Variants in IL26 observed in about 807,000 individuals in gnomAD.
IL26 encodes interleukin 26.
A neutral mutation model predicts 21.7 loss-of-function variants in IL26; 23 were observed. The observed-to-expected ratio is 1.06, with a 90% CI of 0.76 to 1.50. The LOEUF (loss-of-function observed/expected upper bound fraction) is 1.50. Ranked by LOEUF, IL26 falls within the 40% of genes most tolerant of loss-of-function variation. The probability of loss-of-function intolerance (pLI) is 0.00; values close to 1 mark genes in which losing one functional copy is unlikely to be tolerated. For missense variants in IL26, 204 were observed against 196.0 expected (o/e 1.04, Z -0.24); for synonymous variants, 63 against 67.8 (o/e 0.93, Z 0.34).
At chr12:68,211,214 C>T (rs1868719191) in intron 3 of IL26, among the ~76,000 whole-genome samples, 1 of 152,158 alleles carries the variant, frequency 6.6e-6, no homozygotes, top group Non-Finnish European at 1.5e-5. Flanking sequence ...GCTTCCTTCA[C>T]TTAACGTAAA....
chr12:68,218,146 A>G (rs1344714663), intron 3 of IL26, among the ~76,000 whole-genome samples: 1 of 152,094 alleles, frequency 6.6e-6, no homozygotes, highest in East Asian at 1.9e-4. Flanking sequence ...AAAAATGTCT[A>G]GGATCCAACA....
At chr12:68,203,699 C>T (rs1312335986) in intron 3 of IL26, among the ~76,000 whole-genome samples, 1 of 152,158 alleles carries the variant, frequency 6.6e-6, no homozygotes, top group Non-Finnish European at 1.5e-5. Context: ...CAACAGGTCT[C>T]TTCAGGGGTG....
chr12:68,211,852 C>T (rs10878790), intron 3 of IL26, among the ~76,000 whole-genome samples: 26,615 of 151,904 alleles, frequency 0.18, 3,147 homozygotes, highest in East Asian at 0.56. Context: ...CGATTGTTTC[C>T]TTTGCTGGGC....
chr12:68,204,877 T>C (rs11571056), intron 3 of IL26, among the ~76,000 whole-genome samples: 69 of 152,362 alleles, frequency 4.5e-4, no homozygotes, highest in African/African-American at 1.5e-3. Flanking sequence ...TTTACTGCCG[T>C]AATTCAGATT....
Position 68,202,012 on chromosome 12 carries a change from T to G in IL26, c.429+6A>C. 1 of 1,562,396 alleles carries G rather than the reference T, an allele frequency of 6.4e-7. No individual in the cohort carries two copies. The highest frequency in any genetic ancestry group is 1.2e-5 in the South Asian group (1 of 84,264). On this transcript the variant is annotated splice_donor_region_variant and intron_variant, in intron 4 of 4. Transcript: ENST00000229134. ...GTTTTTTAATATAAGGATTTAGAAT[T>G]CTTACCCTATAAAATATTCTTTTCA...
intron 3 of IL26, among the ~76,000 whole-genome samples, chr12:68,218,208 G>A (rs1868944058): frequency 6.8e-6 from 1 of 147,124 alleles, no homozygotes; most frequent in Non-Finnish European, 1.5e-5. Context: ...GCCGTGCAAA[G>A]ATGCTGTAAA....
intron 3 of IL26, among the ~76,000 whole-genome samples, chr12:68,212,026 C>T (rs866755871): frequency 1.7e-4 from 26 of 152,194 alleles, no homozygotes; most frequent in Middle Eastern, 3.4e-3. Flanking sequence ...TTATATTGGG[C>T]TCCAATCCAT....
In IL26 at chr12:68,214,094, G is replaced by A. The variant is rs140256051; in HGVS notation, c.363+11055C>T. ...TTTAAGACATTTTTAAATTTCCATC[G>A]TAATATATTTACTGACTCATCGATT... On this transcript the variant is annotated intron_variant, in intron 3 of 4. Transcript: ENST00000229134. Among the ~76,000 whole-genome samples the A allele has an allele frequency of 4.2e-3, 640 of 151,888 alleles. 5 individuals are homozygous for A. Among genetic ancestry groups the A allele is most frequent in the African/African-American group, 0.014 (573 of 41,460 alleles).
intron 3 of IL26, 145 bp downstream of exon 3, chr12:68,225,004 C>T: frequency 1.5e-6 from 1 of 665,574 alleles, no homozygotes; most frequent in Non-Finnish European, 2.5e-6. Context: ...TGCTATTTCC[C>T]TGGTGATGAC....
At chr12:68,205,796 A>G (rs1868523926) in intron 3 of IL26, among the ~76,000 whole-genome samples, 1 of 152,250 alleles carries the variant, frequency 6.6e-6, no homozygotes, top group African/African-American at 2.4e-5. Flanking sequence ...TCCTCGTATC[A>G]TAGAAAAGTT....
intron 3 of IL26, among the ~76,000 whole-genome samples, chr12:68,218,866 A>G (rs1309959705): frequency 6.6e-6 from 1 of 152,044 alleles, no homozygotes; most frequent in Admixed American, 6.5e-5. Context: ...GACATAGCAC[A>G]CTAACATCAA....
intron 3 of IL26, among the ~76,000 whole-genome samples, chr12:68,216,168 G>A (rs1009082178): frequency 3.3e-5 from 5 of 151,886 alleles, no homozygotes; most frequent in African/African-American, 4.8e-5. Flanking sequence ...GCACACGCCT[G>A]TAGTCCCAAC....
intron 3 of IL26, among the ~76,000 whole-genome samples, chr12:68,203,090 C>G (rs574216638): frequency 3.2e-4 from 48 of 152,228 alleles, no homozygotes; most frequent in African/African-American, 1.1e-3. Flanking sequence ...GAGAAGGCAC[C>G]TAGGACATTA....
intron 3 of IL26, among the ~76,000 whole-genome samples, chr12:68,218,301 A>T (rs970703174): frequency 6.6e-6 from 1 of 152,106 alleles, no homozygotes; most frequent in Admixed American, 6.5e-5. Context: ...ATCAATAAGG[A>T]TATTTTAAAA....
At chr12:68,207,512 C>T (rs1868576735) in intron 3 of IL26, among the ~76,000 whole-genome samples, 1 of 152,144 alleles carries the variant, frequency 6.6e-6, no homozygotes, top group East Asian at 1.9e-4. Context: ...GAGCATACTA[C>T]AATAGCAACA....
At chr12:68,221,959 T>G (rs1437103544) in intron 3 of IL26, among the ~76,000 whole-genome samples, 3 of 152,230 alleles carry the variant, frequency 2.0e-5, no homozygotes, top group African/African-American at 7.2e-5. Context: ...TTTCACCTAA[T>G]TCAGCATGTA....
intron 3 of IL26, among the ~76,000 whole-genome samples, chr12:68,216,088 C>T (rs940774299): frequency 1.3e-5 from 2 of 151,418 alleles, no homozygotes; most frequent in African/African-American, 2.4e-5. Context: ...GTCAGAAGAT[C>T]GAGACCATCC....
chr12:68,212,535 T>G (rs563159583), intron 3 of IL26, among the ~76,000 whole-genome samples: 45 of 152,250 alleles, frequency 3.0e-4, no homozygotes, highest in African/African-American at 9.1e-4. Context: ...TGAATATCCA[T>G]GTTTTGTGTG....
At chr12:68,222,465 A>G (rs1398988835) in intron 3 of IL26, among the ~76,000 whole-genome samples, 1 of 152,222 alleles carries the variant, frequency 6.6e-6, no homozygotes, top group Non-Finnish European at 1.5e-5. Flanking sequence ...CTGCAGCAGC[A>G]CTACCAATGC....
Sources: gnomAD v4.1 joint callset for allele counts (sites outside exome capture counted in the v4.1 genomes callset) on GRCh38, gnomAD v4.1.1 for gene constraint, MANE v1.5 for transcripts, NCBI Gene and HGNC (gene_info 2026-07-23, HGNC 2026-07-21) for gene names.